The following LIMCH1 variants were observed in gnomAD, a reference collection of about 807,000 sequenced individuals.
LIMCH1 encodes LIM and calponin homology domains 1.
In LIMCH1, 113 loss-of-function variants were observed where a neutral mutation model predicts 176.5. The observed-to-expected ratio is 0.64, with a 90% CI of 0.55 to 0.75. The LOEUF is 0.75. Ranked by LOEUF, LIMCH1 falls within the 30% of genes least tolerant of loss-of-function variation. The probability of loss-of-function intolerance (pLI) is 0.00; values close to 1 mark genes in which losing one functional copy is unlikely to be tolerated. For synonymous variants in LIMCH1, 619 were observed against 645.9 expected, an observed-to-expected ratio of 0.96 and a Z score of 0.63; for missense variants, 1,674 against 1,814.9, an observed-to-expected ratio of 0.92 and a Z score of 1.41.
At chr4:41,513,209 T>C (rs958410226) in intron 2 of LIMCH1, among the ~76,000 whole-genome samples, 4 of 152,222 alleles carry the variant, frequency 2.6e-5, no homozygotes, top group African/African-American at 7.2e-5. Flanking sequence ...GGCCATGGAA[T>C]GGAAGAATGA....
intron 2 of LIMCH1, among the ~76,000 whole-genome samples, chr4:41,500,599 T>G (rs2073096733): frequency 6.6e-6 from 1 of 152,224 alleles, no homozygotes; most frequent in African/African-American, 2.4e-5. Flanking sequence ...TATTTCTGTT[T>G]GCTTTTATAT....
chr4:41,662,431 G>A (rs529146011), intron 19 of LIMCH1, among the ~76,000 whole-genome samples: 2 of 152,302 alleles, frequency 1.3e-5, no homozygotes, highest in South Asian at 4.1e-4. Flanking sequence ...AAAAAAGGAA[G>A]CATCAGGTTG....
intron 1 of LIMCH1, among the ~76,000 whole-genome samples, chr4:41,379,859 C>T (rs550866897): frequency 1.3e-4 from 19 of 151,968 alleles, no homozygotes; most frequent in Non-Finnish European, 2.4e-4. Context: ...GGTGCAGTGA[C>T]GCGATCTCAG....
chr4:41,407,746 A>G (rs1464928249), intron 1 of LIMCH1, among the ~76,000 whole-genome samples: 1 of 152,142 alleles, frequency 6.6e-6, no homozygotes, highest in Non-Finnish European at 1.5e-5. Flanking sequence ...GCTTCTCATC[A>G]TAGTATCCCA....
chr4:41,469,502 G>A (rs2066630159), intron 1 of LIMCH1, among the ~76,000 whole-genome samples: 1 of 152,126 alleles, frequency 6.6e-6, no homozygotes, highest in African/African-American at 2.4e-5. Context: ...TGCAGCCATA[G>A]GCATTCTTCA....
intron 2 of LIMCH1, 21 bp downstream of exon 2, chr4:41,599,047 G>A (rs763396187): frequency 6.9e-6 from 10 of 1,444,890 alleles, no homozygotes; most frequent in Non-Finnish European, 5.8e-6. Flanking sequence ...CGTGATTTAT[G>A]TTTAAGGGAA....
At chr4:41,398,962 G>A (rs557335592) in intron 1 of LIMCH1, among the ~76,000 whole-genome samples, 1 of 152,166 alleles carries the variant, frequency 6.6e-6, no homozygotes, top group African/African-American at 2.4e-5. Flanking sequence ...GGAACTCTTT[G>A]TGTTGTGGTG....
chr4:41,508,029 T>C (rs1354389111), intron 2 of LIMCH1, among the ~76,000 whole-genome samples: 4 of 152,078 alleles, frequency 2.6e-5, no homozygotes, highest in Non-Finnish European at 5.9e-5. Context: ...AGAAACATAC[T>C]CTAGGGCTGA....
chr4:41,686,698 C>T (rs1249321388), intron 28 of LIMCH1, among the ~76,000 whole-genome samples: 1 of 152,198 alleles, frequency 6.6e-6, no homozygotes, highest in African/African-American at 2.4e-5. Context: ...GTCCCTACCT[C>T]ATAGGGTTTT....
At position 41,580,584 on chromosome 4, in the gene LIMCH1, T is replaced by A. The variant is rs558855145; in HGVS notation, c.-240-18336T>A. ...AAATTTTCTATTCCTTACTAAAGAA[T>A]AAAGAAAAAATAGGACAAGTCATTA... On this transcript the variant is annotated intron_variant, in intron 1 of 31. Transcript: ENST00000503057. 4.0e-5 allele frequency among the ~76,000 whole-genome samples: 6 copies of A among 150,050 alleles called. No individual in the cohort carries two copies. The South Asian group carries it at 1.3e-3, about 32-fold the overall frequency.
upstream of LIMCH1, among the ~76,000 whole-genome samples, chr4:41,360,314 C>T (rs368370468): frequency 3.4e-4 from 51 of 152,226 alleles, no homozygotes; most frequent in East Asian, 8.9e-3. The surrounding 1 kb of genome is among the most constrained non-coding windows in gnomAD (Gnocchi z 4.5). Context: ...GCGGCCAGTG[C>T]CCGCGCGTCC....
intron 1 of LIMCH1, among the ~76,000 whole-genome samples, chr4:41,448,948 T>G (rs186210841): frequency 1.0e-3 from 159 of 152,236 alleles, no homozygotes; most frequent in Middle Eastern, 0.01. Flanking sequence ...AATAAAACAT[T>G]TGTAAATGAT....
rs141509608 is a variant in LIMCH1 at position 41,482,740 on chromosome 4, G to C, written c.97-11796G>C. Among the ~76,000 whole-genome samples, 90 of 152,276 alleles carry C rather than the reference G, an allele frequency of 5.9e-4. 1 individual carries two copies. Among genetic ancestry groups the C allele is most frequent in the African/African-American group, 2.0e-3 (83 of 41,562 alleles). On this transcript the variant is annotated intron_variant, in intron 1 of 26. Transcript: ENST00000313860. ...CAATAATGATAATGGAATGTCCTGA[G>C]CTCTTACAATGGAGCAGGTAATATA...
At chr4:41,651,586 A>G (rs2094298444) in intron 18 of LIMCH1, among the ~76,000 whole-genome samples, 1 of 152,190 alleles carries the variant, frequency 6.6e-6, no homozygotes, top group South Asian at 2.1e-4. Flanking sequence ...TCTTTAAAAT[A>G]CCTTTTCCCC....
chr4:41,631,727 C>T (rs1025277485), intron 10 of LIMCH1, among the ~76,000 whole-genome samples: 1 of 152,132 alleles, frequency 6.6e-6, no homozygotes, highest in Non-Finnish European at 1.5e-5. Context: ...GGCAAATGAC[C>T]CTTTTTCCCT....
intron 2 of LIMCH1, among the ~76,000 whole-genome samples, chr4:41,521,709 T>A (rs1398855962): frequency 6.6e-6 from 1 of 152,192 alleles, no homozygotes; most frequent in Non-Finnish European, 1.5e-5. Context: ...GCTGTCTTAG[T>A]CTTGAAAGTG....
intron 2 of LIMCH1, among the ~76,000 whole-genome samples, chr4:41,601,985 CA>C (rs1298410598): frequency 6.6e-6 from 1 of 151,988 alleles, no homozygotes; most frequent in African/African-American, 2.4e-5. Flanking sequence ...ATAGATCCCA[CA>C]GAAGAGCTTT....
intron 1 of LIMCH1, among the ~76,000 whole-genome samples, chr4:41,380,369 T>A (rs767026276): frequency 6.3e-4 from 96 of 151,914 alleles, no homozygotes; most frequent in Non-Finnish European, 1.2e-3. Flanking sequence ...CTGGCCTTGA[T>A]CTCCTCCTGG....
At chr4:41,643,001 C>G (rs970761196) in intron 14 of LIMCH1, among the ~76,000 whole-genome samples, 1 of 152,230 alleles carries the variant, frequency 6.6e-6, no homozygotes, top group African/African-American at 2.4e-5. Flanking sequence ...AAGAGTCCTT[C>G]TGTGCAGCCA....
Sources: gnomAD v4.1 joint callset for allele counts (sites outside exome capture counted in the v4.1 genomes callset) on GRCh38, gnomAD v4.1.1 for gene constraint, Gnocchi (gnomAD v3.1) non-coding constraint, MANE v1.5 for transcripts, NCBI Gene and HGNC (gene_info 2026-07-23, HGNC 2026-07-21) for gene names.